The following SLC16A10 variants were observed in gnomAD, a reference collection of about 807,000 sequenced individuals.
SLC16A10 encodes monocarboxylate transporter 10.
SLC16A10 carries 27 observed loss-of-function variants against 40.0 expected under a neutral mutation model. That is an observed-to-expected ratio of 0.67 (90% confidence interval 0.50 to 0.93). SLC16A10 has a LOEUF of 0.93. Ranked by LOEUF, SLC16A10 falls within the 40% of genes least tolerant of loss-of-function variation. The pLI is 0.00. For synonymous variants in SLC16A10, 213 were observed against 249.8 expected (o/e 0.85, Z 1.39); for missense variants, 529 against 658.2 (o/e 0.80, Z 2.15).
chr6:111,146,435 A>C (rs1772077918), intron 1 of SLC16A10, among the ~76,000 whole-genome samples: 1 of 152,218 alleles, frequency 6.6e-6, no homozygotes, highest in Non-Finnish European at 1.5e-5. Context: ...GTGTATACCC[A>C]AGACAATTAA....
intron 1 of SLC16A10, among the ~76,000 whole-genome samples, chr6:111,099,714 G>GT (rs1471297884): frequency 6.6e-6 from 1 of 152,074 alleles, no homozygotes; most frequent in Non-Finnish European, 1.5e-5. Context: ...ATCTCAGAGG[G>GT]TTTTTACCTG....
chr6:111,087,723 C>T lies in SLC16A10; in HGVS notation c.-30C>T, dbSNP rs922467016. On this transcript the variant is annotated 5_prime_UTR_variant, in exon 1 of 6. Coordinates refer to ENST00000368851, the MANE Select transcript of SLC16A10 (RefSeq NM_018593.5). ...CTGGTAACTCGCGTCCCTCGCGCTT[C>T]TCCGGCGCCTGAGGGGCCCGCCTCG... 129 of 1,171,618 alleles carry T rather than the reference C, an allele frequency of 1.1e-4. 1 individual carries two copies. The highest frequency in any genetic ancestry group is 4.9e-4 in the Admixed American group (11 of 22,610). 72.6% of individuals were successfully genotyped at this position (1,171,618 alleles called of 1,614,324 possible). A position where few individuals can be genotyped will look rare whatever the true frequency, so the allele number is the denominator to read the frequency against.
Position 111,219,081 on chromosome 6 carries a change from A to C in SLC16A10, c.1315+39A>C, listed in dbSNP as rs377454081. 3.9e-6 allele frequency: 6 copies of C among 1,546,506 alleles called. No homozygotes were observed. The African/African-American group carries it at 6.8e-5, about 18-fold the overall frequency. ...TTCTCCAGTAGTTATATTAATTCAT[A>C]GTATTTTCTACTTCAGGTCTTAATT... On this transcript the variant is annotated intron_variant, in intron 5 of 5. Coordinates refer to ENST00000368851, the MANE Select transcript of SLC16A10 (RefSeq NM_018593.5).
At chr6:111,100,755 C>T (rs1014400374) in intron 1 of SLC16A10, among the ~76,000 whole-genome samples, 1 of 151,940 alleles carries the variant, frequency 6.6e-6, no homozygotes, top group African/African-American at 2.4e-5. Flanking sequence ...AAAGAATACA[C>T]TCTCCTTAAG....
At chr6:111,214,496 G>A (rs542438371) in intron 4 of SLC16A10, among the ~76,000 whole-genome samples, 179 of 152,304 alleles carry the variant, frequency 1.2e-3, no homozygotes, top group African/African-American at 4.0e-3. Context: ...GCTCCTTGTG[G>A]CCCAGGCATC....
intron 1 of SLC16A10, 40 bp downstream of exon 1, chr6:111,088,135 G>A (rs754083803): frequency 6.3e-7 from 1 of 1,575,128 alleles, no homozygotes; most frequent in South Asian, 1.2e-5. Flanking sequence ...TGGGCGACCC[G>A]CGTGGGGCCC....
In SLC16A10 at chr6:111,191,786, T is replaced by A. The variant is rs141791129; in HGVS notation, c.942+14121T>A. On this transcript the variant is annotated intron_variant, in intron 3 of 5. Coordinates refer to ENST00000368851, the MANE Select transcript of SLC16A10 (RefSeq NM_018593.5). ...TAATGACCAGTGATGATCTTTTTTT[T>A]TATATATATTTGTTGGCTGCAAAAA... Among the ~76,000 whole-genome samples, 293 of 152,336 alleles carry A rather than the reference T, an allele frequency of 1.9e-3. 3 individuals carry two copies. The highest frequency in any genetic ancestry group is 6.1e-3 in the African/African-American group (255 of 41,578).
intron 1 of SLC16A10, among the ~76,000 whole-genome samples, chr6:111,099,657 G>A (rs1771138804): frequency 6.6e-6 from 1 of 152,182 alleles, no homozygotes; most frequent in Non-Finnish European, 1.5e-5. Flanking sequence ...TGTATGGAGA[G>A]GGGAGGGCAA....
At chr6:111,203,816 T>G (rs1265226114) in intron 3 of SLC16A10, among the ~76,000 whole-genome samples, 1 of 152,100 alleles carries the variant, frequency 6.6e-6, no homozygotes, top group African/African-American at 2.4e-5. Flanking sequence ...ATTTACCCAA[T>G]TTATCTTCTT....
intron 3 of SLC16A10, among the ~76,000 whole-genome samples, chr6:111,185,209 G>A (rs140555158): frequency 1.3e-5 from 2 of 152,308 alleles, no homozygotes; most frequent in East Asian, 1.9e-4. Flanking sequence ...AAAGCCATTC[G>A]CATTATGCTT....
chr6:111,112,808 A>G (rs1465313836), intron 1 of SLC16A10, among the ~76,000 whole-genome samples: 3 of 152,210 alleles, frequency 2.0e-5, no homozygotes, highest in African/African-American at 7.2e-5. Flanking sequence ...AATAATCCCA[A>G]AGTTTGAAGG....
chr6:111,172,456 T>C (rs2114541956), intron 1 of SLC16A10, among the ~76,000 whole-genome samples: 1 of 152,252 alleles, frequency 6.6e-6, no homozygotes, highest in South Asian at 2.1e-4. Flanking sequence ...GAAAAAAAGA[T>C]TAAACATATC....
At position 111,227,196 on chromosome 6, in the gene SLC16A10, G is replaced by C. The variant is rs1771017890; in HGVS notation, c.*4961G>C. On this transcript the variant is annotated 3_prime_UTR_variant, in exon 6 of 6. Transcript: ENST00000368851. ...TTTTGTTGATAGCTTGGTCTAAAAA[G>C]ACTGTCTAGAGCTGAATTTAAGAAT... is the stretch of plus-strand genomic sequence containing the variant. The C allele has an allele frequency of 6.6e-6, 1 of 152,218 alleles. No homozygotes were observed. Among genetic ancestry groups the C allele is most frequent in the African/African-American group, 2.4e-5 (1 of 41,442 alleles). 9.4% of individuals were successfully genotyped at this position (152,218 alleles called of 1,614,324 possible).
chr6:111,229,029 CAA>C lies in SLC16A10; in HGVS notation c.*6813_*6814del, dbSNP rs4038339. 3.6e-5 allele frequency: 4 copies of C among 111,922 alleles called. No individual in the cohort carries two copies. Among genetic ancestry groups the C allele is most frequent in the Non-Finnish European group, 5.3e-5 (3 of 57,070 alleles). The allele number at this position is 111,922 out of a possible 1,614,324, so 6.9% of individuals were successfully genotyped here. Reference sequence around the variant, plus strand: ...GGGCAACAAGAGCAAAACTCTGTCTCAAAAAAAAAAAAAAAAAAAATAGTGCT... The same window carrying C: ...GGGCAACAAGAGCAAAACTCTGTCTCAAAAAAAAAAAAAAAAAATAGTGCT... On this transcript the variant is annotated 3_prime_UTR_variant, in exon 6 of 6. Transcript: ENST00000368851.
intron 1 of SLC16A10, among the ~76,000 whole-genome samples, chr6:111,171,065 A>C (rs574951617): frequency 1.3e-5 from 2 of 152,270 alleles, no homozygotes; most frequent in African/African-American, 2.4e-5. Context: ...TGAGCCTAGA[A>C]GGCAGAGGTT....
At chr6:111,146,965 A>G (rs1772090707) in intron 1 of SLC16A10, among the ~76,000 whole-genome samples, 1 of 152,252 alleles carries the variant, frequency 6.6e-6, no homozygotes, top group East Asian at 1.9e-4. Context: ...GCCACATAGT[A>G]CATGATTACA....
intron 1 of SLC16A10, among the ~76,000 whole-genome samples, chr6:111,108,146 A>T (rs565694492): frequency 4.6e-5 from 7 of 152,046 alleles, no homozygotes; most frequent in African/African-American, 1.4e-4. Flanking sequence ...CAGCCTCCCA[A>T]GTAGCTGGGA....
At chr6:111,181,984 T>C (rs1772800838) in intron 3 of SLC16A10, among the ~76,000 whole-genome samples, 1 of 151,972 alleles carries the variant, frequency 6.6e-6, no homozygotes, top group Non-Finnish European at 1.5e-5. Context: ...TGTTTTGTTT[T>C]GTTTTGTTTT....
At chr6:111,153,799 A>G (rs1429800361) in intron 1 of SLC16A10, among the ~76,000 whole-genome samples, 1 of 152,216 alleles carries the variant, frequency 6.6e-6, no homozygotes, top group African/African-American at 2.4e-5. Flanking sequence ...TTCTCAAGAA[A>G]TGTTAGTTTC....
Sources: allele counts gnomAD v4.1 joint callset (sites outside exome capture counted in the v4.1 genomes callset), GRCh38; gene constraint gnomAD v4.1.1; transcripts MANE v1.5; gene names NCBI Gene and HGNC (gene_info 2026-07-23, HGNC 2026-07-21).